The following ATG13 variants were observed in gnomAD, a reference collection of about 807,000 sequenced individuals.
The protein encoded by ATG13 is autophagy related 13.
A neutral mutation model predicts 65.5 loss-of-function variants in ATG13; 23 were observed. The observed-to-expected ratio is 0.35, with a 90% CI of 0.25 to 0.50. The LOEUF is 0.50. Among genes scored for constraint, ATG13 ranks in the 20% least tolerant of loss-of-function variants. The probability of loss-of-function intolerance (pLI) is 0.98; values close to 1 mark genes in which losing one functional copy is unlikely to be tolerated. For missense variants in ATG13, 566 were observed against 677.0 expected (o/e 0.84, Z 1.82); for synonymous variants, 252 against 245.2 (o/e 1.03, Z -0.26).
At chr11:46,623,218 T>C (rs56197523) in intron 1 of ATG13, among the ~76,000 whole-genome samples, 4 of 151,854 alleles carry the variant, frequency 2.6e-5, no homozygotes, top group African/African-American at 9.7e-5. Flanking sequence ...GGCACGAACC[T>C]GGGAGGTGGA....
chr11:46,667,646 C>T, intron 14 of ATG13, 127 bp from the exon 15 acceptor site: 1 of 573,246 alleles, frequency 1.7e-6, no homozygotes, highest in Non-Finnish European at 3.0e-6. Context: ...TGCCATCTCC[C>T]ATTGATGGGC....
At position 46,673,398 on chromosome 11, in the gene ATG13, A is replaced by G. The variant is rs12420976; in HGVS notation, c.*1066A>G. The G allele has an allele frequency of 2.0e-5, 3 of 152,272 alleles. No homozygotes were observed. Among genetic ancestry groups the G allele is most frequent in the Admixed American group, 2.0e-4 (3 of 15,278 alleles). The allele number at this position is 152,272 out of a possible 1,614,324, so 9.4% of individuals were successfully genotyped here. ...CTTGGATAGTTGCGTATTCCTGGTG[A>G]GAGCCTTACATCTCCCACAGTTTCT... On this transcript the variant is annotated 3_prime_UTR_variant, in exon 19 of 19. Coordinates refer to ENST00000683050, the MANE Select transcript of ATG13 (RefSeq NM_001346311.2).
intron 2 of ATG13, among the ~76,000 whole-genome samples, chr11:46,634,264 G>A (rs1284500778): frequency 6.6e-6 from 1 of 150,584 alleles, no homozygotes; most frequent in Non-Finnish European, 1.5e-5. Context: ...CCCAGCTAAC[G>A]TTTTTTTGCA....
chr11:46,628,464 GT>G (rs563593069), intron 1 of ATG13, among the ~76,000 whole-genome samples: 47 of 147,036 alleles, frequency 3.2e-4, no homozygotes, highest in East Asian at 2.6e-3. Flanking sequence ...TCAGCAAATA[GT>G]TTTTTTTTTT....
At chr11:46,660,274 C>T (rs894611968) in intron 11 of ATG13, among the ~76,000 whole-genome samples, 41 of 152,176 alleles carry the variant, frequency 2.7e-4, no homozygotes, top group Middle Eastern at 6.8e-3. Flanking sequence ...CTAGATCTAC[C>T]TCAGTTCTAC....
At chr11:46,654,283 T>TATATA (rs1555105175) in intron 7 of ATG13, among the ~76,000 whole-genome samples, 4,680 of 122,218 alleles carry the variant, frequency 0.038, 149 homozygotes, top group Non-Finnish European at 0.045. Flanking sequence ...TTTTAAAATT[T>TATATA]TATATATATA....
chr11:46,657,823 A>G (rs938750604), intron 10 of ATG13, among the ~76,000 whole-genome samples: 1 of 152,214 alleles, frequency 6.6e-6, no homozygotes, highest in Admixed American at 6.5e-5. Context: ...CTTAGTATAT[A>G]CAGACTGTCT....
chr11:46,619,104 A>G (rs2135502040), intron 1 of ATG13, among the ~76,000 whole-genome samples: 1 of 152,224 alleles, frequency 6.6e-6, no homozygotes, highest in South Asian at 2.1e-4. Context: ...TTTTTCCTGC[A>G]TGTGCTTAGT....
chr11:46,649,042 TG>T, intron 5 of ATG13, 94 bp from the exon 6 acceptor site: 1 of 1,003,046 alleles, frequency 1.0e-6, no homozygotes, highest in Non-Finnish European at 1.4e-6. Flanking sequence ...CTTTTTTTTT[TG>T]CTTATCTATA....
At chr11:46,649,267 C>T (rs1284715240) in intron 6 of ATG13, 84 bp downstream of exon 6, 1 of 1,499,408 alleles carries the variant, frequency 6.7e-7, no homozygotes. Flanking sequence ...GCTTTGTTTT[C>T]AGAGTCAGGG....
intron 5 of ATG13, among the ~76,000 whole-genome samples, chr11:46,646,808 G>A (rs1353156395): frequency 6.6e-6 from 1 of 152,068 alleles, no homozygotes; most frequent in Non-Finnish European, 1.5e-5. Context: ...TACCCAGGCT[G>A]GAGTGCAGTG....
rs545943855 is a variant in ATG13 at position 46,640,938 on chromosome 11, C to T, written c.-13-3341C>T. Among the ~76,000 whole-genome samples, 14 of 152,278 alleles carry T rather than the reference C, an allele frequency of 9.2e-5. No homozygotes were observed. In the South Asian group the frequency reaches 1.0e-3, roughly 11 times the overall value. On this transcript the variant is annotated intron_variant, in intron 2 of 18. Coordinates refer to ENST00000683050, the MANE Select transcript of ATG13 (RefSeq NM_001346311.2). ...GTCTGTTTAAGCTAAACATACGTAC[C>T]GTGTACTCAGTGACCCACCATTAAC...
rs544947901 is a variant in ATG13 at position 46,668,427 on chromosome 11, T to C, written c.1252-72T>C. On this transcript the variant is annotated intron_variant, in intron 15 of 18. Coordinates refer to ENST00000683050, the MANE Select transcript of ATG13 (RefSeq NM_001346311.2). Reference sequence around the variant, plus strand: ...TGAACTTGCTGGACCTCTAGGCTTCTGGCAACCAGGAAGGAAGCATGAACA... The same window carrying C: ...TGAACTTGCTGGACCTCTAGGCTTCCGGCAACCAGGAAGGAAGCATGAACA... 10 of 1,497,092 alleles carry C rather than the reference T, an allele frequency of 6.7e-6. No individual in the cohort carries two copies. The African/African-American group carries it at 1.4e-4, about 21-fold the overall frequency. The allele number at this position is 1,497,092 out of a possible 1,614,324, so 92.7% of individuals were successfully genotyped here.
intron 1 of ATG13, 111 bp downstream of exon 1, chr11:46,618,001 C>G (rs984746941): frequency 2.5e-6 from 1 of 397,962 alleles, no homozygotes. Flanking sequence ...GGATTAGCCA[C>G]GGTTCAATCC....
At chr11:46,618,058 C>T in intron 1 of ATG13, 168 bp downstream of exon 1, 1 of 396,208 alleles carries the variant, frequency 2.5e-6, no homozygotes. Context: ...GTCTAGGCCC[C>T]GTTGGCCCCT....
At position 46,645,929 on chromosome 11, in the gene ATG13, A is replaced by C. The variant is rs754091375; in HGVS notation, c.210A>C (p.Ala70=). ...EVTHEAKKAL[A]GQLPAVGRSM... Reference sequence around the variant, plus strand: ...CACATGAAGCAAAGAAGGCACTGGCAGGACAGCTGCCTGCAGTCGGGAGGT... The same window carrying C: ...CACATGAAGCAAAGAAGGCACTGGCCGGACAGCTGCCTGCAGTCGGGAGGT... Residue 70 remains alanine (A), a synonymous_variant, in exon 5 of 19, where the codon GCA becomes GCC. Transcript: ENST00000683050. 1 of 1,614,260 alleles carries C rather than the reference A, an allele frequency of 6.2e-7. No homozygotes were observed. The highest frequency in any genetic ancestry group is 1.7e-5 in the Admixed American group (1 of 60,026).
At chr11:46,658,661 G>A (rs928954575) in intron 10 of ATG13, among the ~76,000 whole-genome samples, 4 of 151,440 alleles carry the variant, frequency 2.6e-5, no homozygotes, top group South Asian at 2.1e-4. Flanking sequence ...TGAGCCTCCC[G>A]AGTAGCTGGG....
chr11:46,655,260 G>A (rs566082201), intron 7 of ATG13, among the ~76,000 whole-genome samples: 164 of 152,178 alleles, frequency 1.1e-3, no homozygotes, highest in African/African-American at 3.6e-3. Context: ...TTAGCCGGGC[G>A]CGGTGGCGGA....
chr11:46,621,957 G>A (rs549012053), intron 1 of ATG13, among the ~76,000 whole-genome samples: 251 of 150,974 alleles, frequency 1.7e-3, no homozygotes, highest in Non-Finnish European at 3.1e-3. Flanking sequence ...CTGTGTGTCC[G>A]AACATTTTTA....
Sources: gnomAD v4.1 joint callset for allele counts (sites outside exome capture counted in the v4.1 genomes callset) on GRCh38, gnomAD v4.1.1 for gene constraint, MANE v1.5 for transcripts, NCBI Gene and HGNC (gene_info 2026-07-23, HGNC 2026-07-21) for gene names.